The following PARN variants were observed in gnomAD, a reference collection of about 807,000 sequenced individuals.
The protein encoded by PARN is poly(A)-specific ribonuclease PARN.
In PARN, 71 loss-of-function variants were observed where a neutral mutation model predicts 102.8. That is an observed-to-expected ratio of 0.69 (90% confidence interval 0.57 to 0.84). The LOEUF (loss-of-function observed/expected upper bound fraction) is 0.84, where lower values mean the gene tolerates loss of function less well. Among genes scored for constraint, PARN ranks in the 40% least tolerant of loss-of-function variants. The probability of loss-of-function intolerance (pLI) is 0.00; values close to 1 mark genes in which losing one functional copy is unlikely to be tolerated. For missense variants in PARN, 782 were observed against 760.9 expected, an observed-to-expected ratio of 1.03 and a Z score of -0.33; for synonymous variants, 261 against 252.9, an observed-to-expected ratio of 1.03 and a Z score of -0.30.
intron 13 of PARN, among the ~76,000 whole-genome samples, chr16:14,587,056 G>A (rs560293556): frequency 1.3e-5 from 2 of 152,192 alleles, no homozygotes; most frequent in Admixed American, 6.5e-5. Flanking sequence ...ATGCTAGACT[G>A]AGTAGTCATA....
intron 5 of PARN, among the ~76,000 whole-genome samples, chr16:14,625,428 C>G (rs938644223): frequency 1.3e-5 from 2 of 152,004 alleles, no homozygotes; most frequent in African/African-American, 4.8e-5. Flanking sequence ...ACCCAGGAGG[C>G]AGAGGTTACA....
chr16:14,557,626 A>G (rs1967778891), intron 18 of PARN, among the ~76,000 whole-genome samples: 1 of 152,044 alleles, frequency 6.6e-6, no homozygotes, highest in African/African-American at 2.4e-5. Flanking sequence ...CAGCATGAAC[A>G]ATACTGTTCT....
At chr16:14,619,410 T>G (rs1338695754) in intron 5 of PARN, among the ~76,000 whole-genome samples, 1 of 151,324 alleles carries the variant, frequency 6.6e-6, no homozygotes, top group Non-Finnish European at 1.5e-5. Flanking sequence ...GTGACCAGCC[T>G]GGGCAACATG....
At chr16:14,545,701 G>A (rs1055068550) in intron 21 of PARN, among the ~76,000 whole-genome samples, 6 of 152,136 alleles carry the variant, frequency 3.9e-5, no homozygotes, top group East Asian at 1.9e-4. Flanking sequence ...GTAAGCTGCC[G>A]GAATGTTGAG....
intron 17 of PARN, among the ~76,000 whole-genome samples, chr16:14,581,979 A>G (rs1466469028): frequency 6.6e-6 from 1 of 152,216 alleles, no homozygotes; most frequent in Non-Finnish European, 1.5e-5. Context: ...GCCATCTGCA[A>G]ACCAGGAAGT....
chr16:14,480,940 A>AAAATAAATAAATAAAT (rs34273832), intron 22 of PARN, among the ~76,000 whole-genome samples: 25 of 149,086 alleles, frequency 1.7e-4, no homozygotes, highest in South Asian at 6.5e-4. Flanking sequence ...CCTGCCTCAA[A>AAAATAAATAAATAAAT]AAATAAATAA....
At chr16:14,520,543 C>T (rs754708336) in intron 21 of PARN, among the ~76,000 whole-genome samples, 3 of 151,868 alleles carry the variant, frequency 2.0e-5, no homozygotes, top group Non-Finnish European at 4.4e-5. Flanking sequence ...CCCGTCTCTA[C>T]CAAAAATTAG....
intron 22 of PARN, among the ~76,000 whole-genome samples, chr16:14,479,585 T>A (rs1181555792): frequency 4.0e-5 from 6 of 151,886 alleles, no homozygotes; most frequent in African/African-American, 1.5e-4. Flanking sequence ...AAAAGAACAA[T>A]GTTAGAGGGT....
intron 5 of PARN, among the ~76,000 whole-genome samples, chr16:14,620,680 GT>G (rs1346162029): frequency 6.6e-6 from 1 of 152,102 alleles, no homozygotes; most frequent in Non-Finnish European, 1.5e-5. Flanking sequence ...TGAAGATCAG[GT>G]TTTCTACAGT....
intron 6 of PARN, among the ~76,000 whole-genome samples, chr16:14,612,817 G>C (rs1351751081): frequency 6.6e-6 from 1 of 151,696 alleles, no homozygotes; most frequent in South Asian, 2.1e-4. Context: ...GGCTGATCTT[G>C]AACTCCTGAC....
At position 14,435,904 on chromosome 16, in the gene PARN, A is replaced by T. The variant is rs1432339367; in HGVS notation, c.*813T>A. On this transcript the variant is annotated 3_prime_UTR_variant, in exon 24 of 24. Coordinates refer to ENST00000437198, the MANE Select transcript of PARN (RefSeq NM_002582.4). ...TGTAGATTTGCACGATTTCACACAC[A>T]CACACACACACACACACACACACAC... 1.0e-4 allele frequency: 10 copies of T among 100,284 alleles called. No individual in the cohort carries two copies. Among genetic ancestry groups the T allele is most frequent in the Non-Finnish European group, 2.3e-4 (9 of 38,882 alleles). 6.2% of individuals were successfully genotyped at this position (100,284 alleles called of 1,614,324 possible).
chr16:14,520,566 A>G (rs1965684432), intron 21 of PARN, among the ~76,000 whole-genome samples: 1 of 152,022 alleles, frequency 6.6e-6, no homozygotes, highest in Non-Finnish European at 1.5e-5. Flanking sequence ...AGGTACAGGG[A>G]CATGCACCTG....
intron 20 of PARN, 102 bp from the exon 21 acceptor site, chr16:14,552,197 G>GAT: frequency 1.4e-6 from 1 of 711,024 alleles, no homozygotes; most frequent in East Asian, 2.6e-5. Context: ...TATCTTTAAA[G>GAT]AGAGAGAAGG....
chr16:14,620,785 T>C (rs1285612742), intron 5 of PARN, among the ~76,000 whole-genome samples: 1 of 152,216 alleles, frequency 6.6e-6, no homozygotes, highest in African/African-American at 2.4e-5. Context: ...CCTAATCCTA[T>C]GGACCACGGA....
intron 13 of PARN, among the ~76,000 whole-genome samples, chr16:14,586,744 T>C (rs1969881438): frequency 6.6e-6 from 1 of 152,128 alleles, no homozygotes; most frequent in Non-Finnish European, 1.5e-5. Context: ...AAATTTATCA[T>C]AACAGTGAGA....
chr16:14,549,194 T>C (rs1967146101), intron 21 of PARN, among the ~76,000 whole-genome samples: 1 of 152,128 alleles, frequency 6.6e-6, no homozygotes, highest in African/African-American at 2.4e-5. Context: ...GTCTTTTGCA[T>C]AAGAAAAGAG....
intron 21 of PARN, among the ~76,000 whole-genome samples, chr16:14,522,979 G>A (rs1296110508): frequency 6.6e-6 from 1 of 152,096 alleles, no homozygotes; most frequent in Non-Finnish European, 1.5e-5. Context: ...TTTACATATA[G>A]ATGCTCTTCA....
intron 19 of PARN, among the ~76,000 whole-genome samples, chr16:14,554,619 T>C (rs1322960951): frequency 7.2e-5 from 11 of 151,864 alleles, no homozygotes; most frequent in South Asian, 2.1e-4. Flanking sequence ...TTTAATTTTA[T>C]TTTTGTAGAG....
chr16:14,614,985 G>T (rs1438166398), intron 6 of PARN, among the ~76,000 whole-genome samples: 1 of 151,902 alleles, frequency 6.6e-6, no homozygotes, highest in East Asian at 1.9e-4. Context: ...AAACCACCGG[G>T]GATGGAGAAG....
Sources: gnomAD v4.1 joint callset for allele counts (sites outside exome capture counted in the v4.1 genomes callset) on GRCh38, gnomAD v4.1.1 for gene constraint, MANE v1.5 for transcripts, NCBI Gene and HGNC (gene_info 2026-07-23, HGNC 2026-07-21) for gene names.